Variants in VEGFC observed in about 807,000 individuals in gnomAD.
The protein encoded by VEGFC is FLT4 ligand DHM.
Under a neutral mutation model 46.1 loss-of-function variants are expected in VEGFC, and 12 were observed. The ratio of observed to expected loss-of-function variants is 0.26; its 90% confidence interval spans 0.17 to 0.42. VEGFC has a LOEUF of 0.42. Ranked by LOEUF, VEGFC falls within the 10% of genes least tolerant of loss-of-function variation. VEGFC has a pLI of 1.00. For synonymous variants in VEGFC, 232 were observed against 195.5 expected, an observed-to-expected ratio of 1.19 and a Z score of -1.56; for missense variants, 488 against 529.4, an observed-to-expected ratio of 0.92 and a Z score of 0.77.
intron 5 of VEGFC, 108 bp downstream of exon 5, chr4:176,687,713 A>G: frequency 1.9e-6 from 2 of 1,032,700 alleles, no homozygotes. Context: ...TTTTTTAGTC[A>G]CTTATTTAGA....
At chr4:176,687,576 T>C (rs1448551097) in intron 5 of VEGFC, 56 bp from the exon 6 acceptor site, 4 of 1,445,696 alleles carry the variant, frequency 2.8e-6, no homozygotes, top group Non-Finnish European at 3.7e-6. Context: ...GGGTGTGGCA[T>C]GAAACAAAAG....
intron 1 of VEGFC, among the ~76,000 whole-genome samples, chr4:176,789,188 T>A (rs1047366820): frequency 6.6e-6 from 1 of 152,148 alleles, no homozygotes; most frequent in Middle Eastern, 3.2e-3. Context: ...GCCAGGACCT[T>A]CCTCTCAAGA....
chr4:176,720,271 T>A (rs1012456453), intron 3 of VEGFC, among the ~76,000 whole-genome samples: 2 of 152,126 alleles, frequency 1.3e-5, no homozygotes, highest in Admixed American at 1.3e-4. Flanking sequence ...ATGACATTTA[T>A]CAGAATGATG....
At chr4:176,739,523 A>G (rs1316450509) in intron 1 of VEGFC, among the ~76,000 whole-genome samples, 1 of 151,976 alleles carries the variant, frequency 6.6e-6, no homozygotes, top group African/African-American at 2.4e-5. Flanking sequence ...GTTCTCACTT[A>G]TAAGTGGGAG....
intron 1 of VEGFC, among the ~76,000 whole-genome samples, chr4:176,738,533 T>C (rs1735094275): frequency 6.6e-6 from 1 of 151,850 alleles, no homozygotes; most frequent in Non-Finnish European, 1.5e-5. Context: ...TTTCCTTACA[T>C]CATATGCAAA....
intron 1 of VEGFC, among the ~76,000 whole-genome samples, chr4:176,766,110 C>T (rs894243922): frequency 1.3e-4 from 20 of 152,020 alleles, no homozygotes; most frequent in African/African-American, 4.6e-4. Context: ...AAGGTCTCTA[C>T]ACAAAAAGAA....
chr4:176,763,429 T>C (rs1735565097), intron 1 of VEGFC, among the ~76,000 whole-genome samples: 1 of 152,176 alleles, frequency 6.6e-6, no homozygotes, highest in South Asian at 2.1e-4. Context: ...TAATGCAAGT[T>C]GCAAAGAGGT....
intron 1 of VEGFC, among the ~76,000 whole-genome samples, chr4:176,760,647 AT>A (rs967381969): frequency 1.3e-5 from 2 of 152,128 alleles, no homozygotes; most frequent in African/African-American, 4.8e-5. Flanking sequence ...CTATGCCAGA[AT>A]TTTTTCATAC....
At chr4:176,751,048 T>C (rs754150397) in intron 1 of VEGFC, among the ~76,000 whole-genome samples, 2 of 151,772 alleles carry the variant, frequency 1.3e-5, no homozygotes, top group Non-Finnish European at 2.9e-5. Flanking sequence ...ATGAAATACA[T>C]TTATTAAAAA....
intron 4 of VEGFC, among the ~76,000 whole-genome samples, chr4:176,691,301 T>G (rs1156428964): frequency 6.6e-6 from 1 of 152,216 alleles, no homozygotes; most frequent in Non-Finnish European, 1.5e-5. Context: ...CATAAATACT[T>G]TAAAGGTTTA....
chr4:176,769,563 T>C (rs1444315398), intron 1 of VEGFC, among the ~76,000 whole-genome samples: 2 of 152,192 alleles, frequency 1.3e-5, no homozygotes, highest in Non-Finnish European at 2.9e-5. Flanking sequence ...AGATTAATTT[T>C]ATTCCATCTG....
intron 1 of VEGFC, among the ~76,000 whole-genome samples, chr4:176,731,666 T>C (rs527546673): frequency 3.6e-4 from 54 of 152,026 alleles, no homozygotes; most frequent in African/African-American, 1.0e-3. Context: ...TCAAGACAGG[T>C]TGTGACCTAA....
intron 6 of VEGFC, among the ~76,000 whole-genome samples, chr4:176,684,454 C>G (rs532992382): frequency 6.6e-6 from 1 of 152,152 alleles, no homozygotes; most frequent in Admixed American, 6.5e-5. Context: ...GCAATTAAAC[C>G]CAGCCATGTT....
At chr4:176,748,096 C>A (rs930696941) in intron 1 of VEGFC, among the ~76,000 whole-genome samples, 5 of 151,914 alleles carry the variant, frequency 3.3e-5, no homozygotes, top group African/African-American at 1.2e-4. Context: ...TACACTATGC[C>A]AAGACTGCAG....
chr4:176,781,847 G>A (rs543311340), intron 1 of VEGFC, among the ~76,000 whole-genome samples: 5 of 152,314 alleles, frequency 3.3e-5, no homozygotes, highest in Admixed American at 3.3e-4. Flanking sequence ...TGTCATTTCA[G>A]TAAAAGGGCG....
At chr4:176,752,039 A>G (rs1735351081) in intron 1 of VEGFC, among the ~76,000 whole-genome samples, 1 of 152,064 alleles carries the variant, frequency 6.6e-6, no homozygotes, top group Admixed American at 6.6e-5. Context: ...AACCCAATTT[A>G]GCTTACATTC....
At chr4:176,686,414 TAATAA>T (rs2110961697) in intron 6 of VEGFC, among the ~76,000 whole-genome samples, 1 of 152,244 alleles carries the variant, frequency 6.6e-6, no homozygotes, top group African/African-American at 2.4e-5. Flanking sequence ...AGTAAGAGGC[TAATAA>T]AATAGAAGAA....
intron 1 of VEGFC, among the ~76,000 whole-genome samples, chr4:176,773,690 T>C (rs767900634): frequency 2.0e-5 from 3 of 152,110 alleles, no homozygotes; most frequent in Non-Finnish European, 4.4e-5. Context: ...AGGTTTGTTG[T>C]TGTTTTTTAA....
At chr4:176,739,951 A>G (rs1410888200) in intron 1 of VEGFC, among the ~76,000 whole-genome samples, 1 of 24,228 alleles carries the variant, frequency 4.1e-5, no homozygotes, top group Non-Finnish European at 1.9e-4. Context: ...GAATATATAT[A>G]ACTATATATT....
Sources: gnomAD v4.1 joint callset for allele counts (sites outside exome capture counted in the v4.1 genomes callset) on GRCh38, gnomAD v4.1.1 for gene constraint, MANE v1.5 for transcripts, NCBI Gene and HGNC (gene_info 2026-07-23, HGNC 2026-07-21) for gene names.